Variants in ELFN1 observed in about 807,000 individuals in gnomAD.
The protein encoded by ELFN1 is protein ELFN1.
ELFN1 carries 6 observed loss-of-function variants against 7.6 expected under a neutral mutation model. That is an observed-to-expected ratio of 0.79 (90% CI 0.43 to 1.56). The LOEUF (loss-of-function observed/expected upper bound fraction) is 1.56, where lower values mean the gene tolerates loss of function less well. Ranked by LOEUF, ELFN1 falls within the 40% of genes most tolerant of loss-of-function variation. ELFN1 has a pLI of 0.01. For missense variants in ELFN1, 1,169 were observed against 1,232.2 expected (o/e 0.95, Z 0.77); for synonymous variants, 657 against 588.1 (o/e 1.12, Z -1.70).
intron 3 of ELFN1, among the ~76,000 whole-genome samples, chr7:1,732,913 T>C (rs548791633): frequency 2.6e-5 from 4 of 152,250 alleles, no homozygotes; most frequent in African/African-American, 7.2e-5. Flanking sequence ...TTCTTTTTTC[T>C]TTTTTGAGAC....
chr7:1,674,439 G>C (rs6942630), intron 1 of ELFN1, among the ~76,000 whole-genome samples: 67,532 of 151,988 alleles, frequency 0.44, 17,041 homozygotes, highest in African/African-American at 0.7. Flanking sequence ...GGCTCCCCTC[G>C]CCTGTGAGCC....
intron 2 of ELFN1, among the ~76,000 whole-genome samples, chr7:1,692,604 T>C (rs1779192741): frequency 6.6e-6 from 1 of 152,186 alleles, no homozygotes; most frequent in Non-Finnish European, 1.5e-5. Context: ...TCATGTACGC[T>C]AGATGCAGAG....
chr7:1,713,605 C>G (rs6963851), intron 3 of ELFN1, among the ~76,000 whole-genome samples: 30,789 of 152,064 alleles, frequency 0.2, 4,381 homozygotes, highest in African/African-American at 0.42. Flanking sequence ...GGCTGGACTC[C>G]TTCAGCACCA....
At position 1,745,392 on chromosome 7, in the gene ELFN1, G is replaced by T; in HGVS notation, c.796G>T (p.Ala266Ser). Residue 266 changes from alanine to serine, a missense_variant, in exon 4 of 4, where the codon GCA becomes TCA. Ala to Ser is a moderately conservative substitution (Grantham distance 99). This residue lies in a region of ELFN1 where 914 missense variants were observed against 872.6 expected (regional missense o/e 1.05). Coordinates refer to ENST00000424383, the MANE Select transcript of ELFN1 (RefSeq NM_001128636.4). ...AAEVVGPPRP[A>S]SGRSQPGRSP... The stretch of plus-strand genomic sequence containing the variant: ...TGAGGTGGTCGGGCCCCCACGTCCA[G>T]CATCCGGGCGCTCACAGCCGGGCCG... The T allele has an allele frequency of 6.5e-7, 1 of 1,538,900 alleles. No individual in the cohort carries two copies.
rs540746203 is a variant in ELFN1, at chr7:1,746,141, G to C, written c.1545G>C (p.Ala515=). ...EVEQYKLVES[A]DTPKASKGSY... ...AGCAGTACAAGCTGGTGGAGAGCGCGGACACCCCCAAGGCCAGCAAGGGCA... is the reference window on the plus strand; with the variant it reads ...AGCAGTACAAGCTGGTGGAGAGCGCCGACACCCCCAAGGCCAGCAAGGGCA... The change falls in exon 4 of 4, where the codon GCG becomes GCC. Residue 515 remains alanine, a synonymous_variant. Transcript: ENST00000424383. 1.3e-6 allele frequency: 2 copies of C among 1,548,444 alleles called. No homozygotes were observed. The highest frequency in any genetic ancestry group is 1.7e-6 in the Non-Finnish European group (2 of 1,145,804).
chr7:1,734,062 C>T (rs1380073415), intron 3 of ELFN1, among the ~76,000 whole-genome samples: 1 of 152,194 alleles, frequency 6.6e-6, no homozygotes, highest in Admixed American at 6.5e-5. Context: ...TGTCTGCCTT[C>T]AGTCTCAAAC....
In ELFN1 at chr7:1,740,243, C is replaced by T. The variant is rs1446169172; in HGVS notation, c.-293-4061C>T. On this transcript the variant is annotated intron_variant, in intron 3 of 3. Transcript: ENST00000424383. The surrounding 1 kb of genome is among the most constrained non-coding windows in gnomAD (Gnocchi z 5.0). ...TGAGAGGAAGGGAGCTCCTTTCAGG[C>T]AGTGGGGAGCCGCCCTCCTGAGGGA... Among the ~76,000 whole-genome samples, 3 of 152,202 alleles carry T rather than the reference C, an allele frequency of 2.0e-5. No individual in the cohort carries two copies. Among genetic ancestry groups the T allele is most frequent in the Non-Finnish European group, 4.4e-5 (3 of 68,036 alleles).
intron 2 of ELFN1, chr7:1,692,732 C>T (rs1779196876): frequency 6.5e-6 from 1 of 154,416 alleles, no homozygotes; most frequent in South Asian, 2.0e-4. Context: ...CCCTCAACCT[C>T]ACCAGCTCCC....
chr7:1,674,364 G>A (rs373788982), intron 1 of ELFN1, among the ~76,000 whole-genome samples: 37 of 152,158 alleles, frequency 2.4e-4, no homozygotes, highest in Admixed American at 5.2e-4. Flanking sequence ...TCAGGATCTC[G>A]GTTACTCAGC....
intron 2 of ELFN1, among the ~76,000 whole-genome samples, chr7:1,708,601 G>A (rs1779585997): frequency 6.6e-6 from 1 of 152,134 alleles, no homozygotes; most frequent in African/African-American, 2.4e-5. Context: ...GCATACCCAG[G>A]GTCTCTACCT....
At chr7:1,720,857 C>T (rs921280595) in intron 3 of ELFN1, among the ~76,000 whole-genome samples, 1 of 151,682 alleles carries the variant, frequency 6.6e-6, no homozygotes, top group Non-Finnish European at 1.5e-5. Context: ...TGAGCATTAA[C>T]TCAAACTCAG....
intron 2 of ELFN1, among the ~76,000 whole-genome samples, chr7:1,703,136 C>G (rs576553810): frequency 1.2e-4 from 19 of 152,282 alleles, no homozygotes; most frequent in African/African-American, 4.3e-4. Flanking sequence ...TTGCATTTCC[C>G]TGATTATACG....
intron 3 of ELFN1, among the ~76,000 whole-genome samples, chr7:1,733,622 C>T (rs990600956): frequency 2.0e-5 from 3 of 152,170 alleles, no homozygotes; most frequent in Admixed American, 6.5e-5. Flanking sequence ...CCCAGCCCAT[C>T]TTCCGTTGCT....
chr7:1,667,279 G>A (rs1257286441), upstream of ELFN1, among the ~76,000 whole-genome samples: 1 of 152,026 alleles, frequency 6.6e-6, no homozygotes, highest in African/African-American at 2.4e-5. The surrounding 1 kb of genome is among the most constrained non-coding windows in gnomAD (Gnocchi z 8.2). Flanking sequence ...CCAGGGAGGA[G>A]CAGGGACTTC....
At chr7:1,697,232 G>T (rs1779335258) in intron 2 of ELFN1, among the ~76,000 whole-genome samples, 1 of 152,024 alleles carries the variant, frequency 6.6e-6, no homozygotes, top group South Asian at 2.1e-4. Flanking sequence ...AGAGGGGAAA[G>T]GGGAGGGTCT....
At position 1,702,098 on chromosome 7, in the gene ELFN1, C is replaced by G. The variant is rs533381918; in HGVS notation, c.-455-6993C>G. Among the ~76,000 whole-genome samples the G allele has an allele frequency of 1.9e-4, 29 of 152,062 alleles. No individual in the cohort carries two copies. In the South Asian group the frequency reaches 5.8e-3, roughly 31 times the overall value. ...TATAATAATATCTGAGTCACCATAG[C>G]TTTATAGTCAACTGTCATTATCTGA... On this transcript the variant is annotated intron_variant, in intron 2 of 3. Coordinates refer to ENST00000424383, the MANE Select transcript of ELFN1 (RefSeq NM_001128636.4).
chr7:1,713,120 G>A (rs772422075), intron 3 of ELFN1, among the ~76,000 whole-genome samples: 6 of 152,226 alleles, frequency 3.9e-5, no homozygotes, highest in Non-Finnish European at 7.3e-5. Context: ...ACAGCCTGGT[G>A]GGATCACCCC....
chr7:1,671,412 G>T (rs947788353), intron 1 of ELFN1, among the ~76,000 whole-genome samples: 1 of 152,246 alleles, frequency 6.6e-6, no homozygotes, highest in Non-Finnish European at 1.5e-5. Flanking sequence ...CTGCACACCC[G>T]GAGTGGGGCC....
chr7:1,724,405 T>C (rs1344816612), intron 3 of ELFN1, among the ~76,000 whole-genome samples: 1 of 152,192 alleles, frequency 6.6e-6, no homozygotes, highest in Admixed American at 6.5e-5. Flanking sequence ...TTCCCTGAGG[T>C]GCCGTGCGGC....
Sources: gnomAD v4.1 joint callset for allele counts (sites outside exome capture counted in the v4.1 genomes callset) on GRCh38, gnomAD v4.1.1 for gene constraint, gnomAD v4.1.1 regional missense constraint, Gnocchi (gnomAD v3.1) non-coding constraint, MANE v1.5 for transcripts, NCBI Gene and HGNC (gene_info 2026-07-23, HGNC 2026-07-21) for gene names.